Variants in RAP1GAP observed in about 807,000 individuals in gnomAD.
The protein encoded by RAP1GAP is rap1 GTPase-activating protein 1.
A neutral mutation model predicts 87.2 loss-of-function variants in RAP1GAP; 35 were observed. The ratio of observed to expected loss-of-function variants is 0.40; its 90% CI spans 0.31 to 0.53. The LOEUF (loss-of-function observed/expected upper bound fraction) is 0.53. Ranked by LOEUF, RAP1GAP falls within the 20% of genes least tolerant of loss-of-function variation. The pLI is 0.48. For missense variants in RAP1GAP, 734 were observed against 898.9 expected, an observed-to-expected ratio of 0.82 and a Z score of 2.35; for synonymous variants, 375 against 363.9, an observed-to-expected ratio of 1.03 and a Z score of -0.35.
intron 21 of RAP1GAP, among the ~76,000 whole-genome samples, chr1:21,599,136 G>A (rs1255071113): frequency 6.6e-6 from 1 of 152,224 alleles, no homozygotes; most frequent in African/African-American, 2.4e-5. Flanking sequence ...GGCAGGAAGA[G>A]TGTTCCAGAC....
intron 1 of RAP1GAP, among the ~76,000 whole-genome samples, chr1:21,650,628 C>T (rs140165448): frequency 4.6e-5 from 7 of 152,338 alleles, no homozygotes; most frequent in Admixed American, 4.6e-4. Flanking sequence ...TGGGGGCTCC[C>T]AGGGACAGCT....
rs755345987 is a variant in RAP1GAP at position 21,617,414 on chromosome 1, G to A, written c.183C>T (p.His61=). 59 of 1,605,356 alleles carry A rather than the reference G, an allele frequency of 3.7e-5. No homozygotes were observed. The Admixed American group carries it at 6.7e-4, about 18-fold the overall frequency. Reference sequence around the variant, plus strand: ...CTGTCTCGGGGATGCTGGTGATTTCGTGGTTGGTGCCCTCAATCCAGTAGC... The same window carrying A: ...CTGTCTCGGGGATGCTGGTGATTTCATGGTTGGTGCCCTCAATCCAGTAGC... The part of the protein sequence containing the change: ...FGGYWIEGTN[H]EITSIPETEP... The change falls in exon 7 of 25, where the codon CAC becomes CAT. Residue 61 remains histidine, a synonymous_variant. Transcript: ENST00000374765.
intron 18 of RAP1GAP, among the ~76,000 whole-genome samples, chr1:21,605,799 C>A (rs766199370): frequency 6.6e-6 from 1 of 152,274 alleles, no homozygotes; most frequent in Non-Finnish European, 1.5e-5. Context: ...GGAAGTCACA[C>A]CTCAATGCAT....
At position 21,634,705 on chromosome 1, in the gene RAP1GAP, T is replaced by C; in HGVS notation, c.-112-8308A>G. 1 of 400,630 alleles carries C rather than the reference T, an allele frequency of 2.5e-6. No individual in the cohort carries two copies. 24.8% of individuals were successfully genotyped at this position (400,630 alleles called of 1,614,324 possible). The stretch of plus-strand genomic sequence containing the variant: ...ACAGGTTGGCAGCCTAGAGAGGTGG[T>C]CACGGGACCGGTCCCTGCCCAGGGC... On this transcript the variant is annotated intron_variant, in intron 2 of 24. Transcript: ENST00000374765. This position sits in a 1 kb window ranked among gnomAD's most constrained non-coding sequence, Gnocchi z 4.1.
intron 12 of RAP1GAP, 56 bp from the exon 13 acceptor site, chr1:21,611,637 T>G: frequency 6.2e-7 from 1 of 1,613,658 alleles, no homozygotes. Flanking sequence ...CAGGCCTCCA[T>G]GGGGCCAGGA....
intron 24 of RAP1GAP, 32 bp downstream of exon 24, chr1:21,597,654 C>A (rs1436257088): frequency 1.9e-6 from 3 of 1,550,028 alleles, no homozygotes; most frequent in African/African-American, 2.7e-5. Context: ...CACCCTCTCC[C>A]ACCAAACACA....
chr1:21,662,879 T>C (rs2097201067), intron 1 of RAP1GAP, among the ~76,000 whole-genome samples: 1 of 152,184 alleles, frequency 6.6e-6, no homozygotes, highest in Non-Finnish European at 1.5e-5. Flanking sequence ...TTAAATGAGA[T>C]AGATCCATGA....
At position 21,597,740 on chromosome 1, in the gene RAP1GAP, C is replaced by T; in HGVS notation, c.1984-12G>A. ...CCCGGCTAACAGCCCTGCAGACAGA[C>T]AGTGGTGGTGAGGCAGGTGGCAAGA... On this transcript the variant is annotated splice_polypyrimidine_tract_variant and intron_variant, in intron 23 of 24. Transcript: ENST00000374765. The T allele has an allele frequency of 1.2e-6, 2 of 1,613,690 alleles. No individual in the cohort carries two copies. Among genetic ancestry groups the T allele is most frequent in the Non-Finnish European group, 1.7e-6 (2 of 1,179,708 alleles).
chr1:21,632,164 C>T (rs538128662), intron 2 of RAP1GAP, among the ~76,000 whole-genome samples: 209 of 152,250 alleles, frequency 1.4e-3, no homozygotes, highest in South Asian at 1.2e-3. Flanking sequence ...CTCTCCCTCT[C>T]GGGGAGAGCA....
chr1:21,627,431 T>TA (rs1480108800), intron 2 of RAP1GAP, among the ~76,000 whole-genome samples: 2 of 148,002 alleles, frequency 1.4e-5, no homozygotes, highest in Non-Finnish European at 3.0e-5. Context: ...TTTTTTTTTT[T>TA]ATGACAGAGT....
At chr1:21,639,219 CT>C (rs60188752) in intron 2 of RAP1GAP, among the ~76,000 whole-genome samples, 3 of 152,396 alleles carry the variant, frequency 2.0e-5, no homozygotes, top group African/African-American at 4.8e-5. Flanking sequence ...AGCCCCACCC[CT>C]GGCACTACCC....
At chr1:21,601,635 C>T (rs749123975) in intron 20 of RAP1GAP, 49 bp downstream of exon 20, 11 of 1,421,836 alleles carry the variant, frequency 7.7e-6, no homozygotes, top group African/African-American at 7.0e-5. Flanking sequence ...AGGGGAAGGA[C>T]GGTTCACCAC....
chr1:21,651,467 CCA>C (rs1219192457), intron 1 of RAP1GAP: 1 of 612,540 alleles, frequency 1.6e-6, no homozygotes, highest in Non-Finnish European at 3.2e-6. Flanking sequence ...CCCCGCAGCC[CCA>C]GTCACATGCA....
rs528452947 is a variant in RAP1GAP, at chr1:21,668,794, C to G, written c.-149+460G>C. On this transcript the variant is annotated intron_variant, in intron 1 of 24. Transcript: ENST00000374765. The surrounding 1 kb of genome is among the most constrained non-coding windows in gnomAD (Gnocchi z 6.2). Reference sequence around the variant, plus strand: ...CCCGCTCAGGGTCCTTGATCTGAGGCCCCCACTTCCCTCCTCTGAGGACAG... The same window carrying G: ...CCCGCTCAGGGTCCTTGATCTGAGGGCCCCACTTCCCTCCTCTGAGGACAG... Among the ~76,000 whole-genome samples the G allele has an allele frequency of 1.1e-4, 17 of 152,142 alleles. No individual in the cohort carries two copies. Among genetic ancestry groups the G allele is most frequent in the African/African-American group, 3.9e-4 (16 of 41,536 alleles).
At chr1:21,616,685 T>G (rs1570738135) in intron 7 of RAP1GAP, among the ~76,000 whole-genome samples, 1 of 152,196 alleles carries the variant, frequency 6.6e-6, no homozygotes, top group South Asian at 2.1e-4. Context: ...CTGGGCAGGG[T>G]CCCTGCTCTG....
intron 19 of RAP1GAP, 35 bp downstream of exon 19, chr1:21,602,769 G>A: frequency 6.4e-7 from 1 of 1,550,512 alleles, no homozygotes; most frequent in Non-Finnish European, 8.8e-7. Flanking sequence ...GGATGGGGAT[G>A]CAGGGGAATG....
At chr1:21,655,082 G>A (rs1391600428) in intron 1 of RAP1GAP, among the ~76,000 whole-genome samples, 1 of 151,196 alleles carries the variant, frequency 6.6e-6, no homozygotes, top group Non-Finnish European at 1.5e-5. Context: ...GGAGGTTGCA[G>A]TGAGCCAACA....
chr1:21,604,885 ATGGGTGGATGGG>A (rs2072940087), intron 18 of RAP1GAP, among the ~76,000 whole-genome samples: 2 of 98,110 alleles, frequency 2.0e-5, no homozygotes, highest in East Asian at 3.3e-4. Flanking sequence ...GGATGGATGG[ATGGGTGGATGGG>A]TGGGTGGATG....
In RAP1GAP at chr1:21,626,349, T is replaced by A. The variant is rs1043139909; in HGVS notation, c.-64A>T. 2.5e-6 allele frequency: 4 copies of A among 1,613,140 alleles called. No homozygotes were observed. In the African/African-American group the frequency reaches 5.3e-5, roughly 22 times the overall value. ...TATAGGAGGGAACTAAGTTCACTCG[T>A]GACAGGTCTAGTGCCTGAGGGAAGT... On this transcript the variant is annotated 5_prime_UTR_variant, in exon 3 of 25. Transcript: ENST00000374765.
Sources: allele counts gnomAD v4.1 joint callset (sites outside exome capture counted in the v4.1 genomes callset), GRCh38; gene constraint gnomAD v4.1.1; non-coding constraint Gnocchi (gnomAD v3.1); transcripts MANE v1.5; gene names NCBI Gene and HGNC (gene_info 2026-07-23, HGNC 2026-07-21).